Variants in SLC6A19 observed in about 807,000 individuals in gnomAD.
SLC6A19 encodes the protein sodium-dependent neutral amino acid transporter B(0)AT1.
SLC6A19 carries 67 observed loss-of-function variants against 68.3 expected under a neutral mutation model. The ratio of observed to expected loss-of-function variants is 0.98; its 90% CI spans 0.81 to 1.20. SLC6A19 has a LOEUF of 1.20. SLC6A19 is among the 50% of genes most tolerant of loss of function. The probability of loss-of-function intolerance (pLI) is 0.00; values close to 1 mark genes in which losing one functional copy is unlikely to be tolerated. For missense variants in SLC6A19, 813 were observed against 851.6 expected, an observed-to-expected ratio of 0.95 and a Z score of 0.56; for synonymous variants, 392 against 374.9, an observed-to-expected ratio of 1.05 and a Z score of -0.53.
Position 1,220,860 on chromosome 5 carries a change from T to C in SLC6A19, c.1539-291T>C, listed in dbSNP as rs569788206. 3.9e-5 allele frequency among the ~76,000 whole-genome samples: 6 copies of C among 152,270 alleles called. No homozygotes were observed. The East Asian group carries it at 1.2e-3, about 29-fold the overall frequency. ...GGCGCTCCCTCCTCCAACCCCCCAT[T>C]CTGCACCAGTGACCACCTCAGACGT... On this transcript the variant is annotated intron_variant, in intron 10 of 11. Transcript: ENST00000304460.
chr5:1,216,211 T>C (rs952027870), intron 6 of SLC6A19, among the ~76,000 whole-genome samples: 12 of 152,192 alleles, frequency 7.9e-5, no homozygotes, highest in Non-Finnish European at 1.3e-4. Context: ...GGCCTGGAGC[T>C]GTCCCTAGAG....
intron 11 of SLC6A19, 139 bp downstream of exon 11, chr5:1,221,452 G>A (rs114747160): frequency 8.6e-7 from 1 of 1,166,520 alleles, no homozygotes; most frequent in Non-Finnish European, 1.2e-6. Context: ...CTCAGGTGCA[G>A]TCCAGCCACC....
intron 3 of SLC6A19, among the ~76,000 whole-genome samples, chr5:1,211,313 G>C (rs1746022066): frequency 6.6e-6 from 1 of 152,220 alleles, no homozygotes; most frequent in Non-Finnish European, 1.5e-5. Context: ...TCTGGAATTA[G>C]ACCACTTCCC....
At position 1,222,920 on chromosome 5, in the gene SLC6A19, G is replaced by C. The variant is rs1746436708; in HGVS notation, c.*1016G>C. 6.6e-6 allele frequency: 1 copy of C among 152,300 alleles called. No individual in the cohort carries two copies. Among genetic ancestry groups the C allele is most frequent in the Non-Finnish European group, 1.5e-5 (1 of 68,080 alleles). 9.4% of individuals were successfully genotyped at this position (152,300 alleles called of 1,614,324 possible). A position where few individuals can be genotyped will look rare whatever the true frequency, so the allele number is the denominator to read the frequency against. On this transcript the variant is annotated 3_prime_UTR_variant, in exon 12 of 12. Coordinates refer to ENST00000304460, the MANE Select transcript of SLC6A19 (RefSeq NM_001003841.3). ...GGCAGCACCTCTATGCTTCATCTCT[G>C]TGGGTGGCAGGAGACAAAAGCACAG...
Position 1,214,102 on chromosome 5 carries a change from A to C in SLC6A19, c.887+37A>C. The C allele has an allele frequency of 6.2e-7, 1 of 1,613,244 alleles. No homozygotes were observed. Among genetic ancestry groups the C allele is most frequent in the Non-Finnish European group, 8.5e-7 (1 of 1,179,852 alleles). On this transcript the variant is annotated intron_variant, in intron 6 of 11. Transcript: ENST00000304460. The surrounding 1 kb of genome is among the most constrained non-coding windows in gnomAD (Gnocchi z 7.4). Reference sequence around the variant, plus strand: ...TGTGGTGGGCCTCAGTTTCCCTCTCAGTCCTGGGGGGATCTTGCTGGGAGG... The same window carrying C: ...TGTGGTGGGCCTCAGTTTCCCTCTCCGTCCTGGGGGGATCTTGCTGGGAGG...
intron 3 of SLC6A19, 144 bp downstream of exon 3, chr5:1,210,725 G>C (rs569038920): frequency 8.1e-7 from 1 of 1,227,720 alleles, no homozygotes; most frequent in Admixed American, 2.0e-5. Context: ...ATGACAGCAC[G>C]AAAGAAAAGA....
chr5:1,221,921 G>A lies in SLC6A19; in HGVS notation c.*17G>A, dbSNP rs371485098. On this transcript the variant is annotated 3_prime_UTR_variant, in exon 12 of 12. Transcript: ENST00000304460. Reference sequence around the variant, plus strand: ...AAGTACTGAGAAGGCCCATCCCACGGCGTGCCATACACTGGTGTCAGGGAA... The same window carrying A: ...AAGTACTGAGAAGGCCCATCCCACGACGTGCCATACACTGGTGTCAGGGAA... The A allele has an allele frequency of 3.1e-6, 5 of 1,612,702 alleles. No individual in the cohort carries two copies. In the South Asian group the frequency reaches 4.4e-5, roughly 14 times the overall value.
rs543427219 is a variant in SLC6A19 at position 1,215,853 on chromosome 5, T to A, written c.888-705T>A. ...TGCACCACTCACGTTCCCACCAGCG[T>A]GCAGGAAGCTCCAGTTTCCCCGTAT... On this transcript the variant is annotated intron_variant, in intron 6 of 11. Coordinates refer to ENST00000304460, the MANE Select transcript of SLC6A19 (RefSeq NM_001003841.3). This position sits in a 1 kb window ranked among gnomAD's most constrained non-coding sequence, Gnocchi z 5.1. 8.3e-4 allele frequency among the ~76,000 whole-genome samples: 126 copies of A among 152,338 alleles called. 1 individual carries two copies. Among genetic ancestry groups the A allele is most frequent in the African/African-American group, 2.9e-3 (122 of 41,582 alleles).
intron 1 of SLC6A19, among the ~76,000 whole-genome samples, chr5:1,208,376 C>T (rs984379595): frequency 3.9e-5 from 6 of 151,990 alleles, no homozygotes; most frequent in Admixed American, 2.0e-4. Flanking sequence ...GCAGCTCCTC[C>T]GTGGGACTCC....
In SLC6A19 at chr5:1,222,167, A is replaced by T; in HGVS notation, c.*263A>T. The T allele has an allele frequency of 1.7e-6, 1 of 596,866 alleles. No homozygotes were observed. The highest frequency in any genetic ancestry group is 2.0e-5 in the South Asian group (1 of 49,882). The allele number at this position is 596,866 out of a possible 1,614,324, so 37.0% of individuals were successfully genotyped here. ...TGTGTGTATTGTATGTGCATGTGCC[A>T]TGTGTGCAGATGTGTCATGTTGTGT... On this transcript the variant is annotated 3_prime_UTR_variant, in exon 12 of 12. Coordinates refer to ENST00000304460, the MANE Select transcript of SLC6A19 (RefSeq NM_001003841.3).
intron 5 of SLC6A19, 116 bp from the exon 6 acceptor site, chr5:1,213,837 C>T (rs1415758761): frequency 1.3e-6 from 2 of 1,534,842 alleles, no homozygotes; most frequent in Admixed American, 1.7e-5. Flanking sequence ...GGGGCCCTGG[C>T]CTGTCCTGAC....
rs1480165660 is a variant in SLC6A19, at chr5:1,215,733, T to C, written c.888-825T>C. Among the ~76,000 whole-genome samples the C allele has an allele frequency of 1.3e-5, 2 of 152,200 alleles. No individual in the cohort carries two copies. The highest frequency in any genetic ancestry group is 2.9e-5 in the Non-Finnish European group (2 of 68,030). On this transcript the variant is annotated intron_variant, in intron 6 of 11. Coordinates refer to ENST00000304460, the MANE Select transcript of SLC6A19 (RefSeq NM_001003841.3). The surrounding 1 kb of genome is among the most constrained non-coding windows in gnomAD (Gnocchi z 5.1). The stretch of plus-strand genomic sequence containing the variant: ...CGTTTTTGTGGACGCATGCTTTCGT[T>C]CTTCTGGGTGTGCGCCTAGGAGTGG...
chr5:1,203,152 G>T (rs936609868), intron 1 of SLC6A19, among the ~76,000 whole-genome samples: 1 of 152,132 alleles, frequency 6.6e-6, no homozygotes, highest in Non-Finnish European at 1.5e-5. Flanking sequence ...GGGATGGAGG[G>T]GCAGACACAT....
chr5:1,219,197 C>T lies in SLC6A19; in HGVS notation c.1378+90C>T, dbSNP rs1332440817. On this transcript the variant is annotated intron_variant, in intron 9 of 11. Transcript: ENST00000304460. ...CTGTGTGAACAGCTCTGTCCCCGGCCGTGCGTGCAGCCCCCGGGCGTGTGA... is the reference window on the plus strand; with the variant it reads ...CTGTGTGAACAGCTCTGTCCCCGGCTGTGCGTGCAGCCCCCGGGCGTGTGA... 1.5e-5 allele frequency: 19 copies of T among 1,271,888 alleles called. 1 individual carries two copies. The South Asian group carries it at 1.8e-4, about 12-fold the overall frequency. The allele number at this position is 1,271,888 out of a possible 1,614,324, so 78.8% of individuals were successfully genotyped here.
chr5:1,210,445 C>A lies in SLC6A19; in HGVS notation c.345C>A (p.Gly115=), dbSNP rs1489592929. The A allele has an allele frequency of 9.9e-6, 16 of 1,612,890 alleles. No individual in the cohort carries two copies. Among genetic ancestry groups the A allele is most frequent in the Non-Finnish European group, 1.3e-5 (15 of 1,180,002 alleles). Residue 115 remains glycine (G), a splice_region_variant and synonymous_variant, in exon 3 of 12, where the codon GGC becomes GGA. Transcript: ENST00000304460. ...GCCTCAGCAGCAGCCTCCCTGCAGG[C>A]CTGGCCTCCATGCTCACGTCCTTCA... is the stretch of plus-strand genomic sequence containing the variant. ...SSIHPALKGL[G]LASMLTSFMV... is the part of the protein sequence containing the mutation.
In SLC6A19 at chr5:1,203,036, C is replaced by T. The variant is rs145496942; in HGVS notation, c.202+1184C>T. On this transcript the variant is annotated intron_variant, in intron 1 of 11. Coordinates refer to ENST00000304460, the MANE Select transcript of SLC6A19 (RefSeq NM_001003841.3). Reference sequence around the variant, plus strand: ...GGACTTCCTGGCCACTGTCCTCGCCCCCTCCCCCAGGGCCCTATCCTGTGG... The same window carrying T: ...GGACTTCCTGGCCACTGTCCTCGCCTCCTCCCCCAGGGCCCTATCCTGTGG... Among the ~76,000 whole-genome samples, 16 of 152,238 alleles carry T rather than the reference C, an allele frequency of 1.1e-4. No homozygotes were observed. In the East Asian group the frequency reaches 3.1e-3, roughly 29 times the overall value.
chr5:1,222,324 ATG>A lies in SLC6A19; in HGVS notation c.*425_*426del. 1 of 518,166 alleles carries A rather than the reference ATG, an allele frequency of 1.9e-6. No individual in the cohort carries two copies. Among genetic ancestry groups the A allele is most frequent in the Non-Finnish European group, 3.4e-6 (1 of 296,232 alleles). 32.1% of individuals were successfully genotyped at this position (518,166 alleles called of 1,614,324 possible). Reference sequence around the variant, plus strand: ...TGCCTATGTTGTGTGTGGTGTGCATATGTGTGAACACACACGTGTATACATGC... The same window carrying A: ...TGCCTATGTTGTGTGTGGTGTGCATATGTGAACACACACGTGTATACATGC... On this transcript the variant is annotated 3_prime_UTR_variant, in exon 12 of 12. Transcript: ENST00000304460.
Position 1,222,682 on chromosome 5 carries a change from C to A in SLC6A19, c.*778C>A. 1 of 190,320 alleles carries A rather than the reference C, an allele frequency of 5.3e-6. No homozygotes were observed. The allele number at this position is 190,320 out of a possible 1,614,324, so 11.8% of individuals were successfully genotyped here. On this transcript the variant is annotated 3_prime_UTR_variant, in exon 12 of 12. Transcript: ENST00000304460. ...GTGCGCATATGGACACGCATGGACA[C>A]GCATATGGACACATATGGACACACA...
Position 1,219,583 on chromosome 5 carries a change from A to G in SLC6A19, c.1457A>G (p.Asp486Gly), listed in dbSNP as rs1165012190. The G allele has an allele frequency of 1.2e-6, 2 of 1,611,798 alleles. No individual in the cohort carries two copies. The highest frequency in any genetic ancestry group is 1.7e-6 in the Non-Finnish European group (2 of 1,180,000). The change falls in exon 10 of 12, where the codon GAC (aspartate) becomes GGC (glycine). Residue 486 changes from aspartate to glycine, a missense_variant. Transcript: ENST00000304460. ...GGCCAGTACTGGCTCTCCCTGCTGG[A>G]CAGCTATGCCGGCTCCATTCCCCTG... ...NSGQYWLSLL[D>G]SYAGSIPLLI... is the part of the protein sequence containing the mutation.
Sources: allele counts gnomAD v4.1 joint callset (sites outside exome capture counted in the v4.1 genomes callset), GRCh38; gene constraint gnomAD v4.1.1; non-coding constraint Gnocchi (gnomAD v3.1); transcripts MANE v1.5; gene names NCBI Gene and HGNC (gene_info 2026-07-23, HGNC 2026-07-21).